Variants in ZNF276 observed in about 807,000 individuals in gnomAD.
The protein encoded by ZNF276 is zinc finger protein 276, also known as centromere protein Z.
Under a neutral mutation model 63.9 loss-of-function variants are expected in ZNF276, and 59 were observed. That is an observed-to-expected ratio of 0.92 (90% CI 0.75 to 1.15). The LOEUF is 1.15. Among genes scored for constraint, ZNF276 ranks in the 50% most tolerant of loss-of-function variants. ZNF276 has a pLI of 0.00. For synonymous variants in ZNF276, 496 were observed against 348.4 expected, an observed-to-expected ratio of 1.42 and a Z score of -4.72; for missense variants, 1,084 against 843.8, an observed-to-expected ratio of 1.28 and a Z score of -3.53.
At chr16:89,721,396 C>T (rs1161479224), upstream of ZNF276, 5 of 387,676 alleles carry the variant, frequency 1.3e-5, no homozygotes, top group Admixed American at 4.7e-5. Flanking sequence ...GAGGCGGGCA[C>T]GGCCGCCCTC....
At chr16:89,730,817 A>AGTC (rs2061622695) in intron 6 of ZNF276, among the ~76,000 whole-genome samples, 2 of 152,124 alleles carry the variant, frequency 1.3e-5, no homozygotes, top group African/African-American at 4.8e-5. Flanking sequence ...GCTGCCTCCC[A>AGTC]GTCTTGTCAA....
chr16:89,739,698 C>A lies in ZNF276; in HGVS notation c.*1452C>A. 1 of 1,513,918 alleles carries A rather than the reference C, an allele frequency of 6.6e-7. No individual in the cohort carries two copies. The highest frequency in any genetic ancestry group is 8.9e-7 in the Non-Finnish European group (1 of 1,126,856). The allele number at this position is 1,513,918 out of a possible 1,614,324, so 93.8% of individuals were successfully genotyped here. ...GGCGAACAGCCTGAGCTGAGGATAC[C>A]CAGGTACCTGTCAGCAGCTGGGAGA... On this transcript the variant is annotated 3_prime_UTR_variant, in exon 11 of 11. Coordinates refer to ENST00000443381, the MANE Select transcript of ZNF276 (RefSeq NM_001113525.2).
rs377108755 is a variant in ZNF276, at chr16:89,729,238, C to A, written c.1089C>A (p.Asp363Glu). The change falls in exon 6 of 11, where the codon GAC (aspartate) becomes GAA (glutamate). Residue 363 changes from aspartate to glutamate, a missense_variant. Physicochemically the swap from Asp to Glu is conservative, Grantham distance 45. Transcript: ENST00000443381. ...AAGATTCTCTCTTAATTCCTAGAGA[C>A]GTCTTGAGTGAAGATGAAAATGACA... ...KDEFSDLSEG[D>E]VLSEDENDKK... The A allele has an allele frequency of 1.2e-6, 2 of 1,613,758 alleles. No individual in the cohort carries two copies. Among genetic ancestry groups the A allele is most frequent in the African/African-American group, 1.3e-5 (1 of 74,906 alleles).
In ZNF276 at chr16:89,740,314, G is replaced by C. The variant is rs1212414508; in HGVS notation, c.*2068G>C. The C allele has an allele frequency of 1.7e-6, 1 of 581,924 alleles. No individual in the cohort carries two copies. The highest frequency in any genetic ancestry group is 3.1e-6 in the Non-Finnish European group (1 of 325,708). 36.0% of individuals were successfully genotyped at this position (581,924 alleles called of 1,614,324 possible). A position where few individuals can be genotyped will look rare whatever the true frequency, so the allele number is the denominator to read the frequency against. ...GACTTCGAGCACCCACACCAAGGCT[G>C]CTGCACCACGTCCTCAAATAAGACA... On this transcript the variant is annotated 3_prime_UTR_variant, in exon 11 of 11. Transcript: ENST00000443381.
chr16:89,728,319 C>G (rs895588458), intron 5 of ZNF276, among the ~76,000 whole-genome samples: 2 of 151,240 alleles, frequency 1.3e-5, no homozygotes, highest in African/African-American at 2.4e-5. Context: ...CCACCTCCCG[C>G]GTTCAAGTGA....
At chr16:89,728,663 A>G (rs1567572466) in intron 5 of ZNF276, among the ~76,000 whole-genome samples, 2 of 151,850 alleles carry the variant, frequency 1.3e-5, no homozygotes, top group Admixed American at 1.3e-4. Flanking sequence ...CTGCCTCCCA[A>G]AGTGCTGGGA....
chr16:89,720,472 C>T (rs1702433914), upstream of ZNF276: 4 of 1,094,274 alleles, frequency 3.7e-6, no homozygotes, highest in South Asian at 4.4e-5. Context: ...TGGAAGGTGG[C>T]CTGGCGGACC....
At chr16:89,721,229 G>C (rs2061259149), upstream of ZNF276, 1 of 218,436 alleles carries the variant, frequency 4.6e-6, no homozygotes, top group Non-Finnish European at 8.9e-6. Context: ...CCTGCGCGCC[G>C]CGTGGCCTCC....
intron 6 of ZNF276, chr16:89,731,641 T>C (rs977005536): frequency 6.6e-6 from 1 of 152,288 alleles, no homozygotes; most frequent in African/African-American, 2.4e-5. Flanking sequence ...CATGGCTGAC[T>C]GCAGCCCTGT....
At chr16:89,720,956 A>G, upstream of ZNF276, 1 of 1,154,382 alleles carries the variant, frequency 8.7e-7, no homozygotes, top group East Asian at 3.5e-5. Context: ...GAGCCGCCCG[A>G]GCAGCGGACC....
Position 89,723,304 on chromosome 16 carries a change from G to T in ZNF276, c.601G>T (p.Gly201Trp). The T allele has an allele frequency of 6.2e-7, 1 of 1,613,036 alleles. No homozygotes were observed. Among genetic ancestry groups the T allele is most frequent in the Non-Finnish European group, 8.5e-7 (1 of 1,180,012 alleles). The change falls in exon 4 of 11, where the codon GGG (glycine) becomes TGG (tryptophan). Residue 201 changes from glycine (G) to tryptophan (W), a missense_variant. By Grantham distance (184) the Gly-to-Trp change is radical (BLOSUM62 -2). Coordinates refer to ENST00000443381, the MANE Select transcript of ZNF276 (RefSeq NM_001113525.2). ...SSPQCLHGLV[G>W]WVHGHAASCG... ...CCCCCAGTGCCTGCACGGCTTGGTG[G>T]GGTGGGTGCATGGACATGCGGCCAG... is the stretch of plus-strand genomic sequence containing the variant.
At chr16:89,720,872 G>A (rs1367747653), upstream of ZNF276, 2 of 1,359,092 alleles carry the variant, frequency 1.5e-6, no homozygotes, top group Non-Finnish European at 1.9e-6. Context: ...GGCGCCGAGC[G>A]GGGGAGGCGG....
Position 89,739,870 on chromosome 16 carries a change from C to G in ZNF276, c.*1624C>G. The G allele has an allele frequency of 1.3e-6, 2 of 1,546,638 alleles. No homozygotes were observed. Among genetic ancestry groups the G allele is most frequent in the Non-Finnish European group, 1.7e-6 (2 of 1,148,904 alleles). ...CAAGTTTGTGCTTAATCTGTCCCAA[C>G]TAAAATGGAGCTTATAAACTTACTT... On this transcript the variant is annotated 3_prime_UTR_variant, in exon 11 of 11. Coordinates refer to ENST00000443381, the MANE Select transcript of ZNF276 (RefSeq NM_001113525.2).
chr16:89,739,656 C>A lies in ZNF276; in HGVS notation c.*1410C>A, dbSNP rs940304816. ...GGGACGTGTACCCTGGGAGGCCTGG[C>A]TGTGGGGATAGTGTGGGGCGAACAG... On this transcript the variant is annotated 3_prime_UTR_variant, in exon 11 of 11. Coordinates refer to ENST00000443381, the MANE Select transcript of ZNF276 (RefSeq NM_001113525.2). 6 of 1,510,048 alleles carry A rather than the reference C, an allele frequency of 4.0e-6. No individual in the cohort carries two copies. Among genetic ancestry groups the A allele is most frequent in the Admixed American group, 2.0e-5 (1 of 50,910 alleles). 93.5% of individuals were successfully genotyped at this position (1,510,048 alleles called of 1,614,324 possible).
In ZNF276 at chr16:89,735,128, C is replaced by T. The variant is rs76423324; in HGVS notation, c.1474+1090C>T. ...AGCCTGGGCAACAGTGAGACACTGTCTCAAAAAAAAAACTTGTTTGAACCA... is the reference window on the plus strand; with the variant it reads ...AGCCTGGGCAACAGTGAGACACTGTTTCAAAAAAAAAACTTGTTTGAACCA... On this transcript the variant is annotated intron_variant, in intron 9 of 10. Coordinates refer to ENST00000443381, the MANE Select transcript of ZNF276 (RefSeq NM_001113525.2). Among the ~76,000 whole-genome samples, 765 of 151,718 alleles carry T rather than the reference C, an allele frequency of 5.0e-3. 6 individuals are homozygous for T. The highest frequency in any genetic ancestry group is 0.018 in the African/African-American group (745 of 41,480).
chr16:89,722,405 C>A lies in ZNF276; in HGVS notation c.206-126C>A, dbSNP rs1000156031. The A allele has an allele frequency of 6.3e-5, 70 of 1,110,242 alleles. No homozygotes were observed. In the Middle Eastern group the frequency reaches 1.2e-3, roughly 19 times the overall value. 68.8% of individuals were successfully genotyped at this position (1,110,242 alleles called of 1,614,324 possible). A position where few individuals can be genotyped will look rare whatever the true frequency, so the allele number is the denominator to read the frequency against. On this transcript the variant is annotated intron_variant, in intron 1 of 10. Transcript: ENST00000443381. ...CCCGCCGAGAGCCGCGCGCCCGAGC[C>A]GCTTGCTGTGTCCGGGAGCCGCGCG...
At position 89,721,693 on chromosome 16, in the gene ZNF276, G is replaced by T. The variant is rs945183670; in HGVS notation, c.53G>T (p.Cys18Phe). The change falls in exon 1 of 11, where the codon TGC (cysteine) becomes TTC (phenylalanine). Residue 18 changes from cysteine to phenylalanine, a missense_variant. Transcript: ENST00000443381. ...CTGTCTCCTGGGTCGTCCCGACAGTGCGGGGCCTCGGACGGCGGCGGCGGC... is the reference window on the plus strand; with the variant it reads ...CTGTCTCCTGGGTCGTCCCGACAGTTCGGGGCCTCGGACGGCGGCGGCGGC... ...RFLSPGSSRQ[C>F]GASDGGGGVS... is the part of the protein sequence containing the mutation. 2 of 1,397,180 alleles carry T rather than the reference G, an allele frequency of 1.4e-6. No homozygotes were observed. Among genetic ancestry groups the T allele is most frequent in the African/African-American group, 3.0e-5 (2 of 66,228 alleles). The allele number at this position is 1,397,180 out of a possible 1,614,324, so 86.5% of individuals were successfully genotyped here.
intron 6 of ZNF276, chr16:89,732,927 C>T (rs560923870): frequency 3.2e-5 from 11 of 340,450 alleles, no homozygotes; most frequent in Middle Eastern, 1.1e-3. Context: ...CACCCCGACC[C>T]TGCTGTACCC....
intron 1 of ZNF276, 58 bp downstream of exon 1, chr16:89,721,903 G>C (rs2061294299): frequency 1.8e-6 from 2 of 1,123,392 alleles, no homozygotes; most frequent in South Asian, 8.9e-5. Context: ...GCTCGTGGGA[G>C]GAGCCGCACT....
Sources: allele counts gnomAD v4.1 joint callset (sites outside exome capture counted in the v4.1 genomes callset), GRCh38; gene constraint gnomAD v4.1.1; transcripts MANE v1.5; gene names NCBI Gene and HGNC (gene_info 2026-07-23, HGNC 2026-07-21).